Variants in MLLT10 observed in about 807,000 individuals in gnomAD.
The protein encoded by MLLT10 is MLLT10 histone lysine methyltransferase DOT1L cofactor.
MLLT10 carries 30 observed loss-of-function variants against 129.1 expected under a neutral mutation model. That is an observed-to-expected ratio of 0.23 (90% CI 0.17 to 0.32). The LOEUF (loss-of-function observed/expected upper bound fraction) is 0.32. MLLT10 is among the 10% of genes least tolerant of loss of function. The pLI is 1.00. For synonymous variants in MLLT10, 490 were observed against 446.4 expected (o/e 1.10, Z -1.23); for missense variants, 1,119 against 1,268.3 (o/e 0.88, Z 1.79).
intron 10 of MLLT10, among the ~76,000 whole-genome samples, chr10:21,671,569 T>C (rs2051407368): frequency 6.6e-6 from 1 of 152,142 alleles, no homozygotes; most frequent in Non-Finnish European, 1.5e-5. Flanking sequence ...GTGGATCATC[T>C]GAGTTTAGGA....
At chr10:21,624,753 G>A in intron 8 of MLLT10, 1 of 1,208,730 alleles carries the variant, frequency 8.3e-7, no homozygotes, top group Non-Finnish European at 1.2e-6. Context: ...GAATCAGGTT[G>A]GTTGTAAGCA....
chr10:21,651,549 G>C, intron 8 of MLLT10, 124 bp from the exon 9 acceptor site: 1 of 634,116 alleles, frequency 1.6e-6, no homozygotes, highest in East Asian at 2.8e-5. Context: ...ACAATGATCA[G>C]AGGAAGTGAT....
intron 13 of MLLT10, among the ~76,000 whole-genome samples, chr10:21,698,877 T>G (rs9971055): frequency 0.065 from 9,861 of 152,138 alleles, 1,065 homozygotes; most frequent in African/African-American, 0.22. Flanking sequence ...GTTTTTGTTT[T>G]GTTTGGTTTG....
chr10:21,556,689 C>T (rs752297124), intron 3 of MLLT10: 60 of 1,612,406 alleles, frequency 3.7e-5, no homozygotes, highest in Non-Finnish European at 5.0e-5. Context: ...AACGTCACTC[C>T]TGGATACATA....
intron 13 of MLLT10, among the ~76,000 whole-genome samples, chr10:21,683,783 G>A (rs1439080707): frequency 2.7e-5 from 4 of 149,690 alleles, no homozygotes; most frequent in Non-Finnish European, 5.9e-5. Flanking sequence ...TTTTGCTCTT[G>A]TTGCCCAGGT....
At chr10:21,579,233 C>G (rs1364995039) in intron 3 of MLLT10, among the ~76,000 whole-genome samples, 3 of 152,154 alleles carry the variant, frequency 2.0e-5, no homozygotes, top group African/African-American at 7.2e-5. Flanking sequence ...TTTATCCAGT[C>G]ACTGTTCCCT....
rs1187088884 is a variant in MLLT10, at chr10:21,689,614, T to TACAC, written c.1699+7358_1699+7359insCACA. On this transcript the variant is annotated intron_variant, in intron 13 of 22. Coordinates refer to ENST00000307729, the MANE Select transcript of MLLT10 (RefSeq NM_001195626.3). ...AGCGTGTGTGTTTTATATATATATA[T>TACAC]ATATACACACACACACACACACACA... Among the ~76,000 whole-genome samples, 195 of 141,116 alleles carry TACAC rather than the reference T, an allele frequency of 1.4e-3. 2 individuals are homozygous for TACAC. The highest frequency in any genetic ancestry group is 5.1e-3 in the African/African-American group (190 of 37,406). The allele number at this position is 141,116 out of a possible 152,430, so 92.6% of individuals were successfully genotyped here.
chr10:21,735,276 G>T, intron 21 of MLLT10, 41 bp downstream of exon 21: 2 of 1,406,006 alleles, frequency 1.4e-6, no homozygotes, highest in Non-Finnish European at 1.0e-6. Flanking sequence ...AGGAGCATGT[G>T]TTCTAAGCTG....
At chr10:21,587,890 A>G (rs1438266741) in intron 4 of MLLT10, among the ~76,000 whole-genome samples, 4 of 152,158 alleles carry the variant, frequency 2.6e-5, no homozygotes, top group South Asian at 2.1e-4. Context: ...TCCTGCTACT[A>G]TGTAATAATT....
chr10:21,614,319 C>T (rs966752343), intron 6 of MLLT10, among the ~76,000 whole-genome samples: 6 of 150,704 alleles, frequency 4.0e-5, no homozygotes, highest in Admixed American at 1.3e-4. Flanking sequence ...ATGTTTATCT[C>T]GCTTATTGTG....
intron 8 of MLLT10, among the ~76,000 whole-genome samples, chr10:21,632,551 C>G (rs2047098164): frequency 6.6e-6 from 1 of 152,154 alleles, no homozygotes; most frequent in South Asian, 2.1e-4. Context: ...TACAAAGCGT[C>G]TACTCAATTC....
chr10:21,563,383 T>A (rs1012130521), intron 3 of MLLT10, among the ~76,000 whole-genome samples: 2 of 151,784 alleles, frequency 1.3e-5, no homozygotes, highest in Non-Finnish European at 2.9e-5. Flanking sequence ...ATTAGCCAGG[T>A]GTGATGGCGG....
At chr10:21,737,417 G>A (rs1319327493) in intron 21 of MLLT10, among the ~76,000 whole-genome samples, 1 of 152,162 alleles carries the variant, frequency 6.6e-6, no homozygotes, top group Admixed American at 6.5e-5. Context: ...GACAGCGTGT[G>A]TGTATGTTGA....
rs745468411 is a variant in MLLT10, at chr10:21,534,660, C to T, written c.16C>T (p.Arg6Trp). The change falls in exon 2 of 23, where the codon CGG (arginine) becomes TGG (tryptophan). Residue 6 changes from arginine (R) to tryptophan (W), a missense_variant. Arg to Trp is a moderately radical substitution (Grantham distance 101). This residue lies in a region of MLLT10 where 35 missense variants were observed against 26.0 expected (regional missense o/e 1.35). Coordinates refer to ENST00000307729, the MANE Select transcript of MLLT10 (RefSeq NM_001195626.3). Reference sequence around the variant, plus strand: ...TCCCTCTTAGATGGTCTCTAGCGACCGGCCCGTGTCACTGGAGGACGAGGT... The same window carrying T: ...TCCCTCTTAGATGGTCTCTAGCGACTGGCCCGTGTCACTGGAGGACGAGGT... Reference protein sequence around the residue: MVSSDRPVSLEDEVSH... With the variant: MVSSDWPVSLEDEVSH... The T allele has an allele frequency of 2.5e-6, 4 of 1,609,492 alleles. No homozygotes were observed. The Admixed American group carries it at 5.0e-5, about 20-fold the overall frequency.
chr10:21,605,225 G>C (rs1380689935), intron 5 of MLLT10, among the ~76,000 whole-genome samples: 1 of 152,186 alleles, frequency 6.6e-6, no homozygotes, highest in Non-Finnish European at 1.5e-5. Context: ...CACTGGACAA[G>C]CAAGCATTGG....
chr10:21,602,658 G>A (rs891069909), intron 5 of MLLT10, among the ~76,000 whole-genome samples: 4 of 151,900 alleles, frequency 2.6e-5, no homozygotes, highest in African/African-American at 9.7e-5. Flanking sequence ...TTTTGAAACT[G>A]TTGTTGTGCC....
intron 14 of MLLT10, among the ~76,000 whole-genome samples, chr10:21,726,008 C>T (rs910645055): frequency 2.6e-5 from 4 of 152,182 alleles, no homozygotes; most frequent in Middle Eastern, 3.4e-3. Context: ...ACGTCAGCCT[C>T]CCAAAGTGCT....
chr10:21,535,366 A>G (rs2033760820), intron 2 of MLLT10, among the ~76,000 whole-genome samples: 2 of 152,042 alleles, frequency 1.3e-5, no homozygotes, highest in African/African-American at 4.8e-5. Context: ...ACCCCGAGCC[A>G]GAAGGCTCGG....
At position 21,603,907 on chromosome 10, in the gene MLLT10, A is replaced by G. The variant is rs144953279; in HGVS notation, c.406-8441A>G. Among the ~76,000 whole-genome samples the G allele has an allele frequency of 2.4e-3, 353 of 149,656 alleles. 1 individual carries two copies. Among genetic ancestry groups the G allele is most frequent in the African/African-American group, 7.9e-3 (321 of 40,700 alleles). ...CCTTTGTCTCTGTCTCCATATGGCT[A>G]TCTTCTTATTAGGAGACCAGTCATA... On this transcript the variant is annotated intron_variant, in intron 5 of 22. Transcript: ENST00000307729.
Sources: gnomAD v4.1 joint callset for allele counts (sites outside exome capture counted in the v4.1 genomes callset) on GRCh38, gnomAD v4.1.1 for gene constraint, gnomAD v4.1.1 regional missense constraint, MANE v1.5 for transcripts, NCBI Gene and HGNC (gene_info 2026-07-23, HGNC 2026-07-21) for gene names.